GLG1: variants seen among roughly 807,000 people sequenced by gnomAD.
GLG1 encodes the protein golgi glycoprotein 1, also known as Golgi apparatus protein 1.
Under a neutral mutation model 160.5 loss-of-function variants are expected in GLG1, and 38 were observed. That is an observed-to-expected ratio of 0.24 (90% CI 0.18 to 0.31). The LOEUF is 0.31. Ranked by LOEUF, GLG1 falls within the 10% of genes least tolerant of loss-of-function variation. The pLI is 1.00. For missense variants in GLG1, 1,373 were observed against 1,505.2 expected, an observed-to-expected ratio of 0.91 and a Z score of 1.45; for synonymous variants, 644 against 543.4, an observed-to-expected ratio of 1.19 and a Z score of -2.57.
In GLG1 at chr16:74,607,060, C is replaced by T. The variant is rs1237601743; in HGVS notation, c.35G>A (p.Arg12His). Residue 12 changes from arginine (R) to histidine (H), a missense_variant, in exon 1 of 26, where the codon CGC becomes CAC. Physicochemically the swap from Arg to His is conservative, Grantham distance 29. Around this residue, in one of 4 missense-constraint regions of GLG1, gnomAD observed 322 missense variants for 254.6 expected, o/e 1.26. Transcript: ENST00000422840. ...CAGCAGATGCAGCGCCGCCGACAAGCGGAACATCCTCCGTACACGTCCACA... is the reference window on the plus strand; with the variant it reads ...CAGCAGATGCAGCGCCGCCGACAAGTGGAACATCCTCCGTACACGTCCACA... ...AACGRVRRMF[R>H]LSAALHLLLL... 2.5e-6 allele frequency: 4 copies of T among 1,585,582 alleles called. No homozygotes were observed. In the African/African-American group the frequency reaches 4.0e-5, roughly 16 times the overall value.
Position 74,483,860 on chromosome 16 carries a change from T to C in GLG1, c.1572-736A>G, listed in dbSNP as rs1379269380. 5.3e-5 allele frequency among the ~76,000 whole-genome samples: 8 copies of C among 152,116 alleles called. No individual in the cohort carries two copies. The South Asian group carries it at 1.7e-3, about 32-fold the overall frequency. ...ATTTTTAGTAGAGATGGGGTTTCAC[T>C]GTGTTAGCCAGGATGGTCTCGATCT... On this transcript the variant is annotated intron_variant, in intron 9 of 25. Transcript: ENST00000422840.
chr16:74,490,458 T>C (rs983536566), intron 8 of GLG1, among the ~76,000 whole-genome samples: 2 of 152,244 alleles, frequency 1.3e-5, no homozygotes, highest in Non-Finnish European at 2.9e-5. Context: ...ATAGTTGCCC[T>C]AGTATATGAA....
rs527494870 is a variant in GLG1 at position 74,565,726 on chromosome 16, C to A, written c.439-33573G>T. ...CAACCTTTCCTGGTTCGAGAGGCTG[C>A]CTGATTCGCAAATTATTCTTTGCAC... On this transcript the variant is annotated intron_variant, in intron 1 of 25. Transcript: ENST00000422840. 3.3e-5 allele frequency among the ~76,000 whole-genome samples: 5 copies of A among 152,288 alleles called. No individual in the cohort carries two copies. In the East Asian group the frequency reaches 9.6e-4, roughly 29 times the overall value.
At chr16:74,555,465 C>A (rs2018326069) in intron 1 of GLG1, among the ~76,000 whole-genome samples, 1 of 152,140 alleles carries the variant, frequency 6.6e-6, no homozygotes, top group Non-Finnish European at 1.5e-5. Context: ...GGCAAGACAA[C>A]TGCTTGAGCC....
intron 1 of GLG1, among the ~76,000 whole-genome samples, chr16:74,588,819 G>A (rs1455684280): frequency 6.6e-6 from 1 of 152,048 alleles, no homozygotes; most frequent in Non-Finnish European, 1.5e-5. Flanking sequence ...ACCACACATG[G>A]TTATCAAGAG....
intron 2 of GLG1, among the ~76,000 whole-genome samples, chr16:74,515,156 G>C (rs2016939937): frequency 6.6e-6 from 1 of 152,130 alleles, no homozygotes; most frequent in Non-Finnish European, 1.5e-5. Context: ...CAAGTTCTTA[G>C]AGACCTACAA....
intron 19 of GLG1, chr16:74,463,876 C>CTTT: frequency 5.9e-5 from 10 of 169,056 alleles, no homozygotes; most frequent in South Asian, 2.6e-4. Context: ...CGCCTGGCCA[C>CTTT]TTTTTTTTTT....
chr16:74,463,168 T>G, intron 20 of GLG1, 188 bp downstream of exon 20: 5 of 591,574 alleles, frequency 8.5e-6, no homozygotes, highest in Admixed American at 3.3e-5. Flanking sequence ...TGTGGCCTCC[T>G]CTCTCCCCTG....
intron 1 of GLG1, among the ~76,000 whole-genome samples, chr16:74,582,638 G>A (rs1567538585): frequency 6.6e-6 from 1 of 151,678 alleles, no homozygotes; most frequent in Non-Finnish European, 1.5e-5. Context: ...GGCTAACACA[G>A]TGAAACCCTG....
intron 8 of GLG1, among the ~76,000 whole-genome samples, chr16:74,490,559 T>C (rs561439477): frequency 2.0e-5 from 3 of 152,270 alleles, no homozygotes; most frequent in South Asian, 4.1e-4. Flanking sequence ...ACAGAAAAAA[T>C]TTAGAAACTT....
chr16:74,448,831 G>C lies in GLG1; in HGVS notation c.*4336C>G, dbSNP rs1257979659. ...ACTTTGGAAGGCCGAAGTGCACTTTGGCCGAAGTGGGCCACTTTGCGGCCA... is the reference window on the plus strand; with the variant it reads ...ACTTTGGAAGGCCGAAGTGCACTTTCGCCGAAGTGGGCCACTTTGCGGCCA... On this transcript the variant is annotated 3_prime_UTR_variant, in exon 26 of 26. Coordinates refer to ENST00000422840, the MANE Select transcript of GLG1 (RefSeq NM_001145667.2). 7 of 150,898 alleles carry C rather than the reference G, an allele frequency of 4.6e-5. No homozygotes were observed. The East Asian group carries it at 1.4e-3, about 30-fold the overall frequency. 9.3% of individuals were successfully genotyped at this position (150,898 alleles called of 1,614,324 possible).
At chr16:74,565,552 G>T (rs545438346) in intron 1 of GLG1, among the ~76,000 whole-genome samples, 1 of 152,128 alleles carries the variant, frequency 6.6e-6, no homozygotes. Flanking sequence ...CTCATAGACC[G>T]CCAACTGCTT....
rs71848568 is a variant in GLG1 at position 74,512,160 on chromosome 16, C to CT, written c.472-3236dup. ...TAATCTACTTTCTGGTCTTTTATTT[C>CT]TTTTTTTTTTTTTTCTCAGACGGAG... On this transcript the variant is annotated intron_variant, in intron 2 of 25. Transcript: ENST00000422840. Among the ~76,000 whole-genome samples, 1,080 of 135,854 alleles carry CT rather than the reference C, an allele frequency of 7.9e-3. 7 individuals carry two copies. Among genetic ancestry groups the CT allele is most frequent in the South Asian group, 0.018 (76 of 4,206 alleles). The allele number at this position is 135,854 out of a possible 152,430, so 89.1% of individuals were successfully genotyped here.
chr16:74,469,003 C>T lies in GLG1; in HGVS notation c.2379G>A (p.Lys793=), dbSNP rs776421534. ...TVRNDTLQEA[K]EHRVSLKCRR... ...GGCACTTCAGGGACACCCTGTGCTC[C>T]TTGGCTTCCTGCAGAGTGTCATTGC... is the stretch of plus-strand genomic sequence containing the variant. The change falls in exon 17 of 26, where the codon AAG becomes AAA. Residue 793 remains lysine, a synonymous_variant. Transcript: ENST00000422840. The T allele has an allele frequency of 6.2e-7, 1 of 1,614,098 alleles. No homozygotes were observed. The highest frequency in any genetic ancestry group is 1.1e-5 in the South Asian group (1 of 91,086).
chr16:74,492,373 A>G (rs1353765887), intron 7 of GLG1, among the ~76,000 whole-genome samples: 1 of 151,500 alleles, frequency 6.6e-6, no homozygotes, highest in Non-Finnish European at 1.5e-5. Context: ...CTCAAAAAAA[A>G]AAAAAAGAAA....
At chr16:74,482,491 C>T (rs533279605) in intron 10 of GLG1, among the ~76,000 whole-genome samples, 4 of 152,146 alleles carry the variant, frequency 2.6e-5, no homozygotes, top group East Asian at 1.9e-4. Flanking sequence ...GGCTGTAATA[C>T]GGATCCTTCT....
intron 1 of GLG1, among the ~76,000 whole-genome samples, chr16:74,542,895 C>T (rs1434848175): frequency 6.6e-6 from 1 of 152,192 alleles, no homozygotes; most frequent in East Asian, 1.9e-4. Context: ...TCTGTCAATG[C>T]AGCTCATACT....
intron 11 of GLG1, among the ~76,000 whole-genome samples, chr16:74,477,909 A>G (rs1325071764): frequency 4.6e-5 from 7 of 151,626 alleles, no homozygotes; most frequent in African/African-American, 9.7e-5. Context: ...GGAGGTGGAC[A>G]TTGTGGTGAG....
chr16:74,485,409 A>G lies in GLG1; in HGVS notation c.1571+387T>C, dbSNP rs537076118. On this transcript the variant is annotated intron_variant, in intron 9 of 25. Coordinates refer to ENST00000422840, the MANE Select transcript of GLG1 (RefSeq NM_001145667.2). Reference sequence around the variant, plus strand: ...TTTTCTGATGATTACCAGGTAGTCAATGTATACAATGAGTCAATATACAAC... The same window carrying G: ...TTTTCTGATGATTACCAGGTAGTCAGTGTATACAATGAGTCAATATACAAC... 9.2e-5 allele frequency among the ~76,000 whole-genome samples: 14 copies of G among 152,348 alleles called. No homozygotes were observed. The East Asian group carries it at 2.7e-3, about 29-fold the overall frequency.
Sources: allele counts gnomAD v4.1 joint callset (sites outside exome capture counted in the v4.1 genomes callset), GRCh38; gene constraint gnomAD v4.1.1; regional missense constraint gnomAD v4.1.1; transcripts MANE v1.5; gene names NCBI Gene and HGNC (gene_info 2026-07-23, HGNC 2026-07-21).